PLEKHG5: variants seen among roughly 807,000 people sequenced by gnomAD.
PLEKHG5 encodes the protein pleckstrin homology domain-containing family G member 5.
In PLEKHG5, 52 loss-of-function variants were observed where a neutral mutation model predicts 103.8. The observed-to-expected ratio is 0.50, with a 90% confidence interval of 0.40 to 0.63. PLEKHG5 has a LOEUF of 0.63. PLEKHG5 is among the 30% of genes least tolerant of loss of function. The pLI, the probability that PLEKHG5 is intolerant of heterozygous loss-of-function variation, is 0.00. For synonymous variants in PLEKHG5, 592 were observed against 575.5 expected (o/e 1.03, Z -0.41); for missense variants, 1,205 against 1,347.6 (o/e 0.89, Z 1.66).
chr1:6,485,459 C>A (rs1001166103), intron 1 of PLEKHG5: 1 of 1,256,390 alleles, frequency 8.0e-7, no homozygotes, highest in Non-Finnish European at 1.0e-6. Context: ...CCGGAGGAAG[C>A]CGCGGTCTGC....
chr1:6,492,313 C>A (rs1557763529), upstream of PLEKHG5, among the ~76,000 whole-genome samples: 1 of 152,172 alleles, frequency 6.6e-6, no homozygotes, highest in East Asian at 1.9e-4. Context: ...TCCATGCCCC[C>A]TTGTGACCTG....
chr1:6,474,932 G>A (rs181512810), intron 5 of PLEKHG5, 115 bp downstream of exon 5: 9 of 803,104 alleles, frequency 1.1e-5, no homozygotes, highest in East Asian at 7.3e-5. Context: ...GGATGCGCTC[G>A]CTCACGGGCC....
In PLEKHG5 at chr1:6,472,641, G is replaced by A. The variant is rs1360959265; in HGVS notation, c.985-19C>T. The A allele has an allele frequency of 6.9e-6, 11 of 1,588,566 alleles. No homozygotes were observed. Among genetic ancestry groups the A allele is most frequent in the Non-Finnish European group, 8.6e-6 (10 of 1,159,846 alleles). On this transcript the variant is annotated intron_variant, in intron 9 of 20. Transcript: ENST00000377728. ...TCAGCTTCTAGAGGGAGGGCAGGATGGGTCATTCACGAGGCCTGGAGCACC... is the reference window on the plus strand; with the variant it reads ...TCAGCTTCTAGAGGGAGGGCAGGATAGGTCATTCACGAGGCCTGGAGCACC...
Position 6,487,069 on chromosome 1 carries a change from C to T in PLEKHG5, c.-88+4568G>A, listed in dbSNP as rs1645055592. Reference sequence around the variant, plus strand: ...TCCAGGGCTGTCTCCACTCCCAAAGCCCAGGTCACCCACTGTCTACACCAC... The same window carrying T: ...TCCAGGGCTGTCTCCACTCCCAAAGTCCAGGTCACCCACTGTCTACACCAC... On this transcript the variant is annotated intron_variant, in intron 1 of 20. Transcript: ENST00000377728. The surrounding 1 kb of genome is among the most constrained non-coding windows in gnomAD (Gnocchi z 4.1). Among the ~76,000 whole-genome samples, 1 of 152,112 alleles carries T rather than the reference C, an allele frequency of 6.6e-6. No individual in the cohort carries two copies. Among genetic ancestry groups the T allele is most frequent in the South Asian group, 2.1e-4 (1 of 4,822 alleles).
chr1:6,512,951 GC>G (rs1395984971), intron 1 of PLEKHG5, among the ~76,000 whole-genome samples: 1 of 152,208 alleles, frequency 6.6e-6, no homozygotes, highest in African/African-American at 2.4e-5. Flanking sequence ...AGAGACAGTG[GC>G]CAACAGTCAC....
upstream of PLEKHG5, among the ~76,000 whole-genome samples, chr1:6,493,974 CAG>C (rs1645186032): frequency 6.6e-6 from 1 of 151,722 alleles, no homozygotes. Context: ...ATTTTTGAGA[CAG>C]GGTCTTGCTC....
In PLEKHG5 at chr1:6,473,467, G is replaced by A. The variant is rs776737866; in HGVS notation, c.592-13C>T. On this transcript the variant is annotated splice_polypyrimidine_tract_variant and intron_variant, in intron 7 of 20. Transcript: ENST00000377728. ...GGCGGCCAGGGGCCTGGTCAGGGAAGGGTGGTCAGGGCCGGGACCCCCTGC... is the reference window on the plus strand; with the variant it reads ...GGCGGCCAGGGGCCTGGTCAGGGAAAGGTGGTCAGGGCCGGGACCCCCTGC... 5 of 1,513,726 alleles carry A rather than the reference G, an allele frequency of 3.3e-6. No individual in the cohort carries two copies. The highest frequency in any genetic ancestry group is 4.4e-6 in the Non-Finnish European group (5 of 1,132,038). 93.8% of individuals were successfully genotyped at this position (1,513,726 alleles called of 1,614,324 possible). A position where few individuals can be genotyped will look rare whatever the true frequency, so the allele number is the denominator to read the frequency against.
At chr1:6,519,305 C>G (rs888298155) in intron 1 of PLEKHG5, 1 of 738,784 alleles carries the variant, frequency 1.4e-6, no homozygotes, top group Admixed American at 1.9e-5. Flanking sequence ...ATGGATCCAG[C>G]CTGCAAGTGG....
chr1:6,506,411 T>C (rs1209069770), intron 1 of PLEKHG5, among the ~76,000 whole-genome samples: 1 of 152,146 alleles, frequency 6.6e-6, no homozygotes, highest in Non-Finnish European at 1.5e-5. Flanking sequence ...TTTACAAATT[T>C]CGCCTTCCCG....
chr1:6,503,979 G>C (rs541028196), intron 1 of PLEKHG5, among the ~76,000 whole-genome samples: 3 of 152,214 alleles, frequency 2.0e-5, no homozygotes, highest in Admixed American at 6.5e-5. Flanking sequence ...CTCTGCAGAC[G>C]GCGAGCAGCC....
Position 6,472,708 on chromosome 1 carries a change from C to A in PLEKHG5, c.985-86G>T. 4.1e-6 allele frequency: 4 copies of A among 964,552 alleles called. No homozygotes were observed. In the East Asian group the frequency reaches 1.0e-4, roughly 25 times the overall value. 59.7% of individuals were successfully genotyped at this position (964,552 alleles called of 1,614,324 possible). A position where few individuals can be genotyped will look rare whatever the true frequency, so the allele number is the denominator to read the frequency against. ...GGATAAGCAACCTGCATGCAACTCTCATTTTCCCAATGGGGACATGGAGGT... is the reference window on the plus strand; with the variant it reads ...GGATAAGCAACCTGCATGCAACTCTAATTTTCCCAATGGGGACATGGAGGT... On this transcript the variant is annotated intron_variant, in intron 9 of 20. Coordinates refer to ENST00000377728, the MANE Select transcript of PLEKHG5 (RefSeq NM_020631.6).
At chr1:6,500,109 G>C (rs1645279095), upstream of PLEKHG5, among the ~76,000 whole-genome samples, 1 of 152,186 alleles carries the variant, frequency 6.6e-6, no homozygotes, top group Non-Finnish European at 1.5e-5. Flanking sequence ...GCCTGGCTCA[G>C]CCAGTCAGAT....
intron 1 of PLEKHG5, among the ~76,000 whole-genome samples, chr1:6,481,523 CAAAATAAATAAATAAA>C (rs1644899507): frequency 7.7e-6 from 1 of 130,098 alleles, no homozygotes; most frequent in Non-Finnish European, 1.6e-5. Flanking sequence ...AACTCCGTCT[CAAAATAAATAAATAAA>C]TAAATAAATA....
intron 1 of PLEKHG5, among the ~76,000 whole-genome samples, chr1:6,502,266 G>A (rs557383525): frequency 1.3e-5 from 2 of 152,396 alleles, no homozygotes; most frequent in African/African-American, 4.8e-5. Flanking sequence ...GGAAGGAAAT[G>A]TGTTTCTGAT....
Position 6,505,316 on chromosome 1 carries a change from C to G in PLEKHG5, c.-164-8747G>C, listed in dbSNP as rs1297813242. On this transcript the variant is annotated intron_variant, in intron 1 of 21. Coordinates refer to the PLEKHG5 transcript ENST00000377740. The surrounding 1 kb of genome is among the most constrained non-coding windows in gnomAD (Gnocchi z 4.2). ...GATGCCGACCAGCCTACGGTGCCGACCAGCTGAGCTGAGCGGACAGAATGG... is the reference window on the plus strand; with the variant it reads ...GATGCCGACCAGCCTACGGTGCCGAGCAGCTGAGCTGAGCGGACAGAATGG... 6.6e-6 allele frequency among the ~76,000 whole-genome samples: 1 copy of G among 152,102 alleles called. No individual in the cohort carries two copies. Among genetic ancestry groups the G allele is most frequent in the Non-Finnish European group, 1.5e-5 (1 of 68,010 alleles).
rs1297134914 is a variant in PLEKHG5 at position 6,512,700 on chromosome 1, G to T, written c.-165+6745C>A. ...ATCAGCCCTGCCCTGCGCTGGCACA[G>T]CCTCAGGCCACCACCGCCCTGCCTC... On this transcript the variant is annotated intron_variant, in intron 1 of 21. Transcript: ENST00000377740. Among the ~76,000 whole-genome samples, 5 of 152,332 alleles carry T rather than the reference G, an allele frequency of 3.3e-5. 1 individual carries two copies. In the East Asian group the frequency reaches 9.7e-4, roughly 29 times the overall value.
chr1:6,505,181 G>T lies in PLEKHG5; in HGVS notation c.-164-8612C>A, dbSNP rs919332582. Among the ~76,000 whole-genome samples, 1 of 152,114 alleles carries T rather than the reference G, an allele frequency of 6.6e-6. No individual in the cohort carries two copies. Among genetic ancestry groups the T allele is most frequent in the South Asian group, 2.1e-4 (1 of 4,818 alleles). On this transcript the variant is annotated intron_variant, in intron 1 of 21. Coordinates refer to the PLEKHG5 transcript ENST00000377740. This position sits in a 1 kb window ranked among gnomAD's most constrained non-coding sequence, Gnocchi z 4.2. ...AGCGCTCCGGTAGCTTCTGCGGACC[G>T]GACTCAAGTTTCTGTCACTGCACCA...
At position 6,469,253 on chromosome 1, in the gene PLEKHG5, G is replaced by A. The variant is rs531265564; in HGVS notation, c.2050-12C>T. The A allele has an allele frequency of 5.0e-6, 8 of 1,614,030 alleles. No individual in the cohort carries two copies. In the East Asian group the frequency reaches 6.7e-5, roughly 13 times the overall value. On this transcript the variant is annotated splice_polypyrimidine_tract_variant and intron_variant, in intron 18 of 20. Coordinates refer to ENST00000377728, the MANE Select transcript of PLEKHG5 (RefSeq NM_020631.6). ...TGTTGCAGCTGGTTCTGCAGGCAAG[G>A]TTGGGGTACATGGGACAGAATGGGT...
At position 6,487,124 on chromosome 1, in the gene PLEKHG5, GTTTGTT is replaced by G. The variant is rs1557759975; in HGVS notation, c.-88+4507_-88+4512del. Among the ~76,000 whole-genome samples, 1 of 152,118 alleles carries G rather than the reference GTTTGTT, an allele frequency of 6.6e-6. No individual in the cohort carries two copies. The highest frequency in any genetic ancestry group is 1.5e-5 in the Non-Finnish European group (1 of 68,000). On this transcript the variant is annotated intron_variant, in intron 1 of 20. Transcript: ENST00000377728. This position sits in a 1 kb window ranked among gnomAD's most constrained non-coding sequence, Gnocchi z 4.1. Reference sequence around the variant, plus strand: ...AGAGTTGTGTTTTTGTTTTTTGTTTGTTTGTTTTTGAGACGGAATCTTGCTCTGTCA... The same window carrying G: ...AGAGTTGTGTTTTTGTTTTTTGTTTGTTTGAGACGGAATCTTGCTCTGTCA...
Sources: gnomAD v4.1 joint callset for allele counts (sites outside exome capture counted in the v4.1 genomes callset) on GRCh38, gnomAD v4.1.1 for gene constraint, Gnocchi (gnomAD v3.1) non-coding constraint, MANE v1.5 for transcripts, NCBI Gene and HGNC (gene_info 2026-07-23, HGNC 2026-07-21) for gene names.